The following ZFHX3 variants were observed in gnomAD, a reference collection of about 807,000 sequenced individuals.
ZFHX3 encodes the protein zinc finger homeobox protein 3.
A neutral mutation model predicts 279.1 loss-of-function variants in ZFHX3; 42 were observed. That is an observed-to-expected ratio of 0.15 (90% CI 0.12 to 0.19). The LOEUF is 0.19. ZFHX3 is among the 10% of genes least tolerant of loss of function. The pLI is 1.00. For synonymous variants in ZFHX3, 2,293 were observed against 1,957.8 expected (o/e 1.17, Z -4.52); for missense variants, 4,981 against 4,754.0 (o/e 1.05, Z -1.40).
At chr16:73,253,513 A>G (rs559575237) in intron 5 of ZFHX3, among the ~76,000 whole-genome samples, 1 of 149,290 alleles carries the variant, frequency 6.7e-6, no homozygotes, top group Admixed American at 6.7e-5. Flanking sequence ...GTGCAGTGGC[A>G]TGATCTCGGC....
chr16:73,641,821 C>T (rs954418916), intron 2 of ZFHX3, among the ~76,000 whole-genome samples: 1 of 152,082 alleles, frequency 6.6e-6, no homozygotes, highest in Admixed American at 6.6e-5. Context: ...TTTAGTATTA[C>T]TTGGCTTTTT....
intron 4 of ZFHX3, among the ~76,000 whole-genome samples, chr16:73,300,656 A>ATC (rs2015033158): frequency 6.6e-6 from 1 of 152,226 alleles, no homozygotes; most frequent in African/African-American, 2.4e-5. Context: ...GGCGCCTGCC[A>ATC]CCATGCCCGG....
chr16:73,458,750 C>T lies in ZFHX3; in HGVS notation c.-1546-2492G>A, dbSNP rs1006307543. Among the ~76,000 whole-genome samples, 5 of 152,276 alleles carry T rather than the reference C, an allele frequency of 3.3e-5. No individual in the cohort carries two copies. In the South Asian group the frequency reaches 1.0e-3, roughly 32 times the overall value. ...TCTTATGCTTTTGTATGATAGTTTT[C>T]CTTTTTAGTAAAAACATTTAAAATG... is the stretch of plus-strand genomic sequence containing the variant. On this transcript the variant is annotated intron_variant, in intron 2 of 17. Coordinates refer to the ZFHX3 transcript ENST00000641206.
intron 4 of ZFHX3, among the ~76,000 whole-genome samples, chr16:72,850,967 G>C (rs2037601018): frequency 6.6e-6 from 1 of 152,144 alleles, no homozygotes; most frequent in Non-Finnish European, 1.5e-5. Context: ...GGGCCAAGTG[G>C]TGACAGGGCC....
chr16:73,328,502 TTCTTA>T (rs1295139891), intron 3 of ZFHX3, among the ~76,000 whole-genome samples: 1 of 152,194 alleles, frequency 6.6e-6, no homozygotes, highest in Non-Finnish European at 1.5e-5. Context: ...GCACGTTTAA[TTCTTA>T]TCCCTGTTTT....
intron 4 of ZFHX3, among the ~76,000 whole-genome samples, chr16:73,309,217 C>T (rs987611665): frequency 6.6e-6 from 1 of 151,904 alleles, no homozygotes; most frequent in Non-Finnish European, 1.5e-5. Flanking sequence ...TTTTTGGATC[C>T]TCTCCCTTCT....
At chr16:73,154,452 C>A (rs1197458880) in intron 5 of ZFHX3, among the ~76,000 whole-genome samples, 5 of 152,152 alleles carry the variant, frequency 3.3e-5, no homozygotes, top group Non-Finnish European at 7.4e-5. Context: ...TAACCAGAGT[C>A]TCTACTGATG....
chr16:73,077,182 G>T (rs1413135565), intron 8 of ZFHX3, among the ~76,000 whole-genome samples: 1 of 152,126 alleles, frequency 6.6e-6, no homozygotes, highest in Admixed American at 6.5e-5. Flanking sequence ...GATGGAGCAG[G>T]TTCAAGCATC....
At chr16:73,608,263 TG>T (rs1247891999) in intron 2 of ZFHX3, among the ~76,000 whole-genome samples, 2 of 152,190 alleles carry the variant, frequency 1.3e-5, no homozygotes, top group African/African-American at 4.8e-5. Flanking sequence ...TGTGCTTTCT[TG>T]AAGCTGGTCC....
chr16:73,236,360 G>T (rs1435273453), intron 5 of ZFHX3, among the ~76,000 whole-genome samples: 1 of 152,194 alleles, frequency 6.6e-6, no homozygotes, highest in African/African-American at 2.4e-5. Context: ...CCCTTTGCAA[G>T]GCCGAGGCAG....
chr16:73,149,017 A>T (rs368362801), intron 5 of ZFHX3, among the ~76,000 whole-genome samples: 1 of 131,744 alleles, frequency 7.6e-6, no homozygotes, highest in Admixed American at 7.6e-5. Context: ...TTATATATAT[A>T]TTTTATATAT....
At chr16:72,861,722 T>C (rs1477538944) in intron 4 of ZFHX3, among the ~76,000 whole-genome samples, 1 of 152,090 alleles carries the variant, frequency 6.6e-6, no homozygotes, top group African/African-American at 2.4e-5. Flanking sequence ...TGCACAAGAA[T>C]AGATAGAACC....
chr16:73,001,305 T>G (rs578028749), intron 1 of ZFHX3, among the ~76,000 whole-genome samples: 1 of 152,190 alleles, frequency 6.6e-6, no homozygotes, highest in African/African-American at 2.4e-5. Flanking sequence ...TGAGCACAGA[T>G]TTCAGTCTGT....
At chr16:73,768,931 G>A (rs990164104) in intron 1 of ZFHX3, among the ~76,000 whole-genome samples, 17 of 151,980 alleles carry the variant, frequency 1.1e-4, no homozygotes, top group East Asian at 1.9e-4. Context: ...ACTTTATCTC[G>A]CCAAACACAA....
At chr16:73,072,300 C>A (rs571111243) in intron 8 of ZFHX3, among the ~76,000 whole-genome samples, 1 of 152,160 alleles carries the variant, frequency 6.6e-6, no homozygotes, top group Non-Finnish European at 1.5e-5. Context: ...CAAAATTTAG[C>A]CAGGCGTGGT....
At chr16:73,880,572 T>C (rs865846950) in intron 1 of ZFHX3, among the ~76,000 whole-genome samples, 13 of 152,292 alleles carry the variant, frequency 8.5e-5, no homozygotes, top group African/African-American at 3.1e-4. Context: ...AGAGGGCTAG[T>C]GAAGTTAAAA....
chr16:73,075,561 A>G (rs1378053141), intron 8 of ZFHX3, among the ~76,000 whole-genome samples: 1 of 152,172 alleles, frequency 6.6e-6, no homozygotes, highest in Non-Finnish European at 1.5e-5. Context: ...TCTTGCAGTG[A>G]TATACAATAT....
chr16:72,820,095 C>T (rs2036743747), intron 5 of ZFHX3, among the ~76,000 whole-genome samples: 1 of 152,190 alleles, frequency 6.6e-6, no homozygotes, highest in East Asian at 1.9e-4. Context: ...ATGCTAGCCC[C>T]CATTTGCACA....
chr16:73,726,091 G>C (rs2053516189), intron 1 of ZFHX3, among the ~76,000 whole-genome samples: 1 of 152,166 alleles, frequency 6.6e-6, no homozygotes, highest in South Asian at 2.1e-4. Flanking sequence ...AATACAAATA[G>C]ACTAATGATA....
Sources: allele counts gnomAD v4.1 joint callset (sites outside exome capture counted in the v4.1 genomes callset), GRCh38; gene constraint gnomAD v4.1.1; transcripts MANE v1.5; gene names NCBI Gene and HGNC (gene_info 2026-07-23, HGNC 2026-07-21).